ADCY2: variants seen among roughly 807,000 people sequenced by gnomAD.
The protein encoded by ADCY2 is adenylate cyclase type 2.
In ADCY2, 31 loss-of-function variants were observed where a neutral mutation model predicts 125.2. The ratio of observed to expected loss-of-function variants is 0.25; its 90% CI spans 0.19 to 0.33. ADCY2 has a LOEUF of 0.33. Ranked by LOEUF, ADCY2 falls within the 10% of genes least tolerant of loss-of-function variation. The pLI, the probability that ADCY2 is intolerant of heterozygous loss-of-function variation, is 1.00. For synonymous variants in ADCY2, 512 were observed against 548.4 expected (o/e 0.93, Z 0.93); for missense variants, 904 against 1,418.2 (o/e 0.64, Z 5.82).
intron 4 of ADCY2, among the ~76,000 whole-genome samples, chr5:7,633,913 A>G (rs759636357): frequency 3.9e-5 from 6 of 152,228 alleles, no homozygotes; most frequent in Non-Finnish European, 8.8e-5. Flanking sequence ...AGAATAATCT[A>G]GTTAAAAGAT....
chr5:7,748,521 C>CACACACACACACACACACAG (rs1742703605), intron 15 of ADCY2, among the ~76,000 whole-genome samples: 6 of 34,938 alleles, frequency 1.7e-4, no homozygotes, highest in South Asian at 1.5e-3. Flanking sequence ...CACCCTCCAA[C>CACACACACACACACACACAG]ACACACACAC....
At chr5:7,486,166 G>A (rs1296985382) in intron 2 of ADCY2, among the ~76,000 whole-genome samples, 1 of 152,152 alleles carries the variant, frequency 6.6e-6, no homozygotes, top group Non-Finnish European at 1.5e-5. Flanking sequence ...TGCACTGCCC[G>A]ACTGTCGCTA....
chr5:7,639,668 A>G (rs978848253), intron 4 of ADCY2, among the ~76,000 whole-genome samples: 1 of 152,210 alleles, frequency 6.6e-6, no homozygotes, highest in African/African-American at 2.4e-5. Flanking sequence ...ATACCTCATG[A>G]CTGCTCTGGA....
chr5:7,559,166 G>A (rs1005521137), intron 3 of ADCY2, among the ~76,000 whole-genome samples: 10 of 151,996 alleles, frequency 6.6e-5, no homozygotes, highest in African/African-American at 2.4e-4. Flanking sequence ...GGGCTCTTTT[G>A]GGGTTTAATA....
At chr5:7,689,733 AAGAC>A (rs1266703865) in intron 4 of ADCY2, among the ~76,000 whole-genome samples, 4 of 152,158 alleles carry the variant, frequency 2.6e-5, no homozygotes, top group Non-Finnish European at 4.4e-5. Flanking sequence ...GAAAAAGAGA[AAGAC>A]AGACAATGTG....
intron 14 of ADCY2, among the ~76,000 whole-genome samples, chr5:7,731,300 G>A (rs1742097368): frequency 6.8e-6 from 1 of 147,328 alleles, no homozygotes; most frequent in South Asian, 2.1e-4. Flanking sequence ...ACCCAGGCTA[G>A]AGTGCAGTGC....
rs570850023 is a variant in ADCY2, at chr5:7,661,057, T to G, written c.721-29634T>G. Reference sequence around the variant, plus strand: ...GTGTATTTCCTTATTTGTAAAGTTTTTTTTTAATTTTCTTTGGCTACTTGA... The same window carrying G: ...GTGTATTTCCTTATTTGTAAAGTTTGTTTTTAATTTTCTTTGGCTACTTGA... On this transcript the variant is annotated intron_variant, in intron 4 of 24. Coordinates refer to ENST00000338316, the MANE Select transcript of ADCY2 (RefSeq NM_020546.3). Among the ~76,000 whole-genome samples, 4 of 152,294 alleles carry G rather than the reference T, an allele frequency of 2.6e-5. No individual in the cohort carries two copies. The East Asian group carries it at 7.7e-4, about 29-fold the overall frequency.
At chr5:7,639,426 T>C (rs2126671955) in intron 4 of ADCY2, among the ~76,000 whole-genome samples, 1 of 152,346 alleles carries the variant, frequency 6.6e-6, no homozygotes, top group Non-Finnish European at 1.5e-5. Context: ...CTTTCTCACA[T>C]TTAACCCAAG....
chr5:7,714,331 T>C (rs1741530305), intron 11 of ADCY2, among the ~76,000 whole-genome samples: 1 of 152,230 alleles, frequency 6.6e-6, no homozygotes, highest in Non-Finnish European at 1.5e-5. Flanking sequence ...AATCCTGCTT[T>C]AAGAGTCTAT....
At chr5:7,466,017 T>C (rs1742101633) in intron 2 of ADCY2, among the ~76,000 whole-genome samples, 1 of 152,210 alleles carries the variant, frequency 6.6e-6, no homozygotes, top group South Asian at 2.1e-4. Context: ...ACCCCAACTA[T>C]ATGAGTCCTA....
intron 20 of ADCY2, chr5:7,795,418 C>T (rs1000495471): frequency 2.0e-5 from 3 of 152,260 alleles, no homozygotes; most frequent in African/African-American, 4.8e-5. Flanking sequence ...AATCACTTCG[C>T]TCCTGTTCCT....
chr5:7,602,935 C>A (rs1192927119), intron 3 of ADCY2, among the ~76,000 whole-genome samples: 1 of 152,094 alleles, frequency 6.6e-6, no homozygotes, highest in Non-Finnish European at 1.5e-5. Flanking sequence ...AAAGGAAGTC[C>A]AGACATGGGG....
chr5:7,491,369 C>A (rs1051066796), intron 2 of ADCY2, among the ~76,000 whole-genome samples: 16 of 152,258 alleles, frequency 1.1e-4, no homozygotes, highest in Middle Eastern at 3.4e-3. Context: ...CTCCCTGCCT[C>A]AGCCTCCTGA....
chr5:7,473,814 G>A (rs1431727469), intron 2 of ADCY2, among the ~76,000 whole-genome samples: 1 of 152,184 alleles, frequency 6.6e-6, no homozygotes, highest in African/African-American at 2.4e-5. Flanking sequence ...ATGAATGCTT[G>A]GTGGAGGCCT....
chr5:7,696,580 C>G (rs996969450), intron 6 of ADCY2, among the ~76,000 whole-genome samples: 1 of 152,206 alleles, frequency 6.6e-6, no homozygotes, highest in South Asian at 2.1e-4. Flanking sequence ...GGTCAATTCT[C>G]TCTTTGAATT....
At position 7,709,496 on chromosome 5, in the gene ADCY2, CTT is replaced by C. The variant is rs1392372947; in HGVS notation, c.1578+110_1578+111del. The C allele has an allele frequency of 5.5e-6, 7 of 1,266,864 alleles. No individual in the cohort carries two copies. The highest frequency in any genetic ancestry group is 7.4e-6 in the Non-Finnish European group (7 of 943,228). 78.5% of individuals were successfully genotyped at this position (1,266,864 alleles called of 1,614,324 possible). On this transcript the variant is annotated intron_variant, in intron 10 of 24. Coordinates refer to ENST00000338316, the MANE Select transcript of ADCY2 (RefSeq NM_020546.3). The surrounding 1 kb of genome is among the most constrained non-coding windows in gnomAD (Gnocchi z 4.4). ...ATAACTCCTTTCTGTAAGAAACAAA[CTT>C]ATCACCTTCTTCTTCTCAGAGAGGC...
chr5:7,662,485 A>G (rs1739566975), intron 4 of ADCY2, among the ~76,000 whole-genome samples: 1 of 152,214 alleles, frequency 6.6e-6, no homozygotes, highest in Non-Finnish European at 1.5e-5. Context: ...CCCAGCAGAC[A>G]GATGTCCTCC....
intron 2 of ADCY2, among the ~76,000 whole-genome samples, chr5:7,419,824 C>G (rs959983912): frequency 2.6e-5 from 4 of 152,218 alleles, no homozygotes; most frequent in African/African-American, 9.6e-5. Flanking sequence ...CAAGCACAGA[C>G]AGCTAGCACG....
In ADCY2 at chr5:7,558,496, G is replaced by T. The variant is rs1735606536; in HGVS notation, c.570+37597G>T. ...GCATGTATATCTTCTTTCGAAAAGGGTATGTTCATGTCCTTTGCCCACTTT... is the reference window on the plus strand; with the variant it reads ...GCATGTATATCTTCTTTCGAAAAGGTTATGTTCATGTCCTTTGCCCACTTT... On this transcript the variant is annotated intron_variant, in intron 3 of 24. Coordinates refer to ENST00000338316, the MANE Select transcript of ADCY2 (RefSeq NM_020546.3). Among the ~76,000 whole-genome samples the T allele has an allele frequency of 2.0e-5, 3 of 152,110 alleles. No individual in the cohort carries two copies. In the South Asian group the frequency reaches 6.2e-4, roughly 31 times the overall value.
Sources: allele counts gnomAD v4.1 joint callset (sites outside exome capture counted in the v4.1 genomes callset), GRCh38; gene constraint gnomAD v4.1.1; non-coding constraint Gnocchi (gnomAD v3.1); transcripts MANE v1.5; gene names NCBI Gene and HGNC (gene_info 2026-07-23, HGNC 2026-07-21).